LEFTY2: variants seen among roughly 807,000 people sequenced by gnomAD.
LEFTY2 encodes TGF-beta-4.
In LEFTY2, 10 loss-of-function variants were observed where a neutral mutation model predicts 26.4. The ratio of observed to expected loss-of-function variants is 0.38; its 90% CI spans 0.23 to 0.64. LEFTY2 has a LOEUF of 0.64. Among genes scored for constraint, LEFTY2 ranks in the 30% least tolerant of loss-of-function variants. The probability of loss-of-function intolerance (pLI) is 0.56; values close to 1 mark genes in which losing one functional copy is unlikely to be tolerated. For synonymous variants in LEFTY2, 204 were observed against 234.1 expected (o/e 0.87, Z 1.17); for missense variants, 407 against 502.1 (o/e 0.81, Z 1.81).
chr1:225,939,390 C>T lies in LEFTY2; in HGVS notation c.708G>A (p.Glu236=). The change falls in exon 3 of 4, where the codon GAG becomes GAA. Residue 236 remains glutamate, a synonymous_variant. Transcript: ENST00000366820. This position sits in a 1 kb window ranked among gnomAD's most constrained non-coding sequence, Gnocchi z 4.1. ...AGTCCCTGAGGTCCAGGGTGTGCAG[C>T]TCCAGCTGGGGCTCCCCAAGCCCGG... is the stretch of plus-strand genomic sequence containing the variant. ...APAGLGEPQL[E]LHTLDLRDYG... The T allele has an allele frequency of 6.2e-7, 1 of 1,613,620 alleles. No individual in the cohort carries two copies. Among genetic ancestry groups the T allele is most frequent in the South Asian group, 1.1e-5 (1 of 91,062 alleles).
chr1:225,937,791 A>G lies in LEFTY2; in HGVS notation c.751T>C (p.Cys251Arg). ...DLRDYGAQGDCDPEAPMTEGT... is the reference protein window; with the variant it reads ...DLRDYGAQGDRDPEAPMTEGT... The stretch of plus-strand genomic sequence containing the variant: ...TCGGTCATTGGTGCTTCAGGGTCAC[A>G]GTCGCCCTGAGCTCTGTGTGGGCAA... Residue 251 changes from cysteine to arginine, a missense_variant, in exon 4 of 4, where the codon TGT (cysteine) becomes CGT (arginine). Physicochemically the swap from Cys to Arg is radical, Grantham distance 180 (BLOSUM62 -3). Transcript: ENST00000366820. 1.2e-6 allele frequency: 2 copies of G among 1,611,606 alleles called. No individual in the cohort carries two copies. The highest frequency in any genetic ancestry group is 1.7e-6 in the Non-Finnish European group (2 of 1,178,944).
chr1:225,938,462 T>C (rs1053121535), intron 3 of LEFTY2, among the ~76,000 whole-genome samples: 1 of 152,234 alleles, frequency 6.6e-6, no homozygotes, highest in African/African-American at 2.4e-5. Flanking sequence ...CATACAATTC[T>C]CCTGCCACAG....
At chr1:225,940,183 A>C in intron 1 of LEFTY2, 181 bp from the exon 2 acceptor site, 1 of 1,039,600 alleles carries the variant, frequency 9.6e-7, no homozygotes, top group Non-Finnish European at 1.4e-6. Flanking sequence ...TCCATCCAGC[A>C]GGCAGGGGGG....
chr1:225,937,135 A>G lies in LEFTY2; in HGVS notation c.*306T>C. 1 of 518,078 alleles carries G rather than the reference A, an allele frequency of 1.9e-6. No individual in the cohort carries two copies. Among genetic ancestry groups the G allele is most frequent in the Non-Finnish European group, 3.5e-6 (1 of 286,118 alleles). 32.1% of individuals were successfully genotyped at this position (518,078 alleles called of 1,614,324 possible). On this transcript the variant is annotated 3_prime_UTR_variant, in exon 4 of 4. Transcript: ENST00000366820. ...CATAGGGTATTATTGTTCCAGACTCAGTGAAGAATTTGCCAGAGAACAGAA... is the reference window on the plus strand; with the variant it reads ...CATAGGGTATTATTGTTCCAGACTCGGTGAAGAATTTGCCAGAGAACAGAA...
Position 225,939,264 on chromosome 1 carries a change from C to A in LEFTY2, c.737+97G>T. The A allele has an allele frequency of 6.4e-7, 1 of 1,572,480 alleles. No individual in the cohort carries two copies. Among genetic ancestry groups the A allele is most frequent in the African/African-American group, 1.4e-5 (1 of 73,822 alleles). On this transcript the variant is annotated intron_variant, in intron 3 of 3. Transcript: ENST00000366820. This position sits in a 1 kb window ranked among gnomAD's most constrained non-coding sequence, Gnocchi z 4.1. The stretch of plus-strand genomic sequence containing the variant: ...TGCACCGCGCTCTCCCTACCCCTAG[C>A]CCACCGCCACCATCCGGTCCCCCAG...
rs1459946569 is a variant in LEFTY2 at position 225,939,323 on chromosome 1, T to TG, written c.737+37dup. On this transcript the variant is annotated intron_variant, in intron 3 of 3. Coordinates refer to ENST00000366820, the MANE Select transcript of LEFTY2 (RefSeq NM_003240.5). This position sits in a 1 kb window ranked among gnomAD's most constrained non-coding sequence, Gnocchi z 4.1. ...GGGGACGGGGGTCTGGACCACTCAGTGGCTGCTTGCCTCCCTTCTGCCCAG... is the reference window on the plus strand; with the variant it reads ...GGGGACGGGGGTCTGGACCACTCAGTGGGCTGCTTGCCTCCCTTCTGCCCAG... 2 of 1,612,566 alleles carry TG rather than the reference T, an allele frequency of 1.2e-6. No individual in the cohort carries two copies. The highest frequency in any genetic ancestry group is 1.7e-5 in the Admixed American group (1 of 59,888).
At position 225,939,578 on chromosome 1, in the gene LEFTY2, C is replaced by T. The variant is rs1267401747; in HGVS notation, c.520G>A (p.Gly174Ser). The change falls in exon 3 of 4, where the codon GGC becomes AGC. Residue 174 changes from glycine to serine, a missense_variant. Gly to Ser is a moderately conservative substitution (Grantham distance 56). Transcript: ENST00000366820. The surrounding 1 kb of genome is among the most constrained non-coding windows in gnomAD (Gnocchi z 4.1). ...DSRLVSVHESGWKAFDVTEAV... is the reference protein window; with the variant it reads ...DSRLVSVHESSWKAFDVTEAV... ...TCGGTCACGTCGAAGGCCTTCCAGC[C>T]GCTCTCGTGGACGGACACCAGCCTG... 3.7e-6 allele frequency: 6 copies of T among 1,612,494 alleles called. No individual in the cohort carries two copies. The Admixed American group carries it at 8.3e-5, about 22-fold the overall frequency.
At position 225,939,478 on chromosome 1, in the gene LEFTY2, T is replaced by C. The variant is rs1363824464; in HGVS notation, c.620A>G (p.His207Arg). 1 of 1,611,040 alleles carries C rather than the reference T, an allele frequency of 6.2e-7. No individual in the cohort carries two copies. The highest frequency in any genetic ancestry group is 1.1e-5 in the South Asian group (1 of 90,960). ...GGCGCCGGACGCCAGCGGGCCCAGA[T>C]GCTCCCTCTGCACCGACACCTGTAG... ...LLLQVSVQREHLGPLASGAHK... is the reference protein window; with the variant it reads ...LLLQVSVQRERLGPLASGAHK... Residue 207 changes from histidine (H) to arginine (R), a missense_variant, in exon 3 of 4, where the codon CAT becomes CGT. By Grantham distance (29) the His-to-Arg change is conservative. Coordinates refer to ENST00000366820, the MANE Select transcript of LEFTY2 (RefSeq NM_003240.5). The surrounding 1 kb of genome is among the most constrained non-coding windows in gnomAD (Gnocchi z 4.1).
chr1:225,937,737 A>C lies in LEFTY2; in HGVS notation c.805T>G (p.Tyr269Asp). ...EGTRCCRQEM[Y>D]IDLQGMKWAK... ...CACTTCATCCCCTGCAGGTCAATGT[A>C]CATCTCCTGGCGGCAGCAGCGGGTG... Residue 269 changes from tyrosine to aspartate, a missense_variant, in exon 4 of 4, where the codon TAC becomes GAC. By Grantham distance (160) the Tyr-to-Asp change is radical. Coordinates refer to ENST00000366820, the MANE Select transcript of LEFTY2 (RefSeq NM_003240.5). 1 of 1,612,212 alleles carries C rather than the reference A, an allele frequency of 6.2e-7. No homozygotes were observed. The highest frequency in any genetic ancestry group is 1.1e-5 in the South Asian group (1 of 90,990).
In LEFTY2 at chr1:225,939,994, C is replaced by G. The variant is rs758041150; in HGVS notation, c.259G>C (p.Gly87Arg). 5.6e-6 allele frequency: 9 copies of G among 1,595,808 alleles called. No homozygotes were observed. The highest frequency in any genetic ancestry group is 7.6e-6 in the Non-Finnish European group (9 of 1,179,602). Residue 87 changes from glycine to arginine, a missense_variant, in exon 2 of 4, where the codon GGC becomes CGC. Physicochemically the swap from Gly to Arg is moderately radical, Grantham distance 125. Coordinates refer to ENST00000366820, the MANE Select transcript of LEFTY2 (RefSeq NM_003240.5). This position sits in a 1 kb window ranked among gnomAD's most constrained non-coding sequence, Gnocchi z 4.1. ...CTGGCCTCCGACGCCAGGAACCTGC[C>G]GGCCACCTCTGGGGACAAGAGCAGG... ...RFSQSFREVA[G>R]RFLASEASTH...
rs1672250330 is a variant in LEFTY2 at position 225,939,564 on chromosome 1, G to A, written c.534C>T (p.Phe178=). The A allele has an allele frequency of 2.5e-6, 4 of 1,612,300 alleles. No individual in the cohort carries two copies. The highest frequency in any genetic ancestry group is 3.4e-6 in the Non-Finnish European group (4 of 1,179,820). Residue 178 remains phenylalanine, a synonymous_variant, in exon 3 of 4, where the codon TTC becomes TTT. Coordinates refer to ENST00000366820, the MANE Select transcript of LEFTY2 (RefSeq NM_003240.5). This position sits in a 1 kb window ranked among gnomAD's most constrained non-coding sequence, Gnocchi z 4.1. ...AGAAGTTCACGGCCTCGGTCACGTCGAAGGCCTTCCAGCCGCTCTCGTGGA... is the reference window on the plus strand; with the variant it reads ...AGAAGTTCACGGCCTCGGTCACGTCAAAGGCCTTCCAGCCGCTCTCGTGGA... The part of the protein sequence containing the change: ...VSVHESGWKA[F]DVTEAVNFWQ...
At position 225,939,747 on chromosome 1, in the gene LEFTY2, G is replaced by C. The variant is rs1186524070; in HGVS notation, c.497+9C>G. ...CTACTCCTGCCCTGCGCGCCCGCGC[G>C]ACCCCCACCTGGAGTCGATGAGGGA... is the stretch of plus-strand genomic sequence containing the variant. On this transcript the variant is annotated intron_variant, in intron 2 of 3. Transcript: ENST00000366820. The surrounding 1 kb of genome is among the most constrained non-coding windows in gnomAD (Gnocchi z 4.1). 1 of 1,597,962 alleles carries C rather than the reference G, an allele frequency of 6.3e-7. No homozygotes were observed. The highest frequency in any genetic ancestry group is 2.2e-5 in the East Asian group (1 of 44,480).
rs1030090515 is a variant in LEFTY2, at chr1:225,940,235, C to G, written c.251-233G>C. On this transcript the variant is annotated intron_variant, in intron 1 of 3. Coordinates refer to ENST00000366820, the MANE Select transcript of LEFTY2 (RefSeq NM_003240.5). ...TAGCAAGTTTGCCTCAGCTGAGATG[C>G]TGGGAGCAGAATCCTCACCCAGGTG... The G allele has an allele frequency of 3.7e-5, 25 of 681,766 alleles. No homozygotes were observed. The African/African-American group carries it at 4.3e-4, about 12-fold the overall frequency. 42.2% of individuals were successfully genotyped at this position (681,766 alleles called of 1,614,324 possible).
In LEFTY2 at chr1:225,937,634, G is replaced by A. The variant is rs776907343; in HGVS notation, c.908C>T (p.Ala303Val). The A allele has an allele frequency of 3.1e-6, 5 of 1,614,042 alleles. No homozygotes were observed. In the East Asian group the frequency reaches 8.9e-5, roughly 29 times the overall value. ...CVGTCQQPPEALAFNWPFLGP... is the reference protein window; with the variant it reads ...CVGTCQQPPEVLAFNWPFLGP... Reference sequence around the variant, plus strand: ...CAGAAATGGCCAATTGAAGGCCAGGGCCTCCGGGGGCTGCTGGCAGGTGCC... The same window carrying A: ...CAGAAATGGCCAATTGAAGGCCAGGACCTCCGGGGGCTGCTGGCAGGTGCC... The change falls in exon 4 of 4, where the codon GCC (alanine) becomes GTC (valine). Residue 303 changes from alanine to valine, a missense_variant. Transcript: ENST00000366820.
At position 225,937,294 on chromosome 1, in the gene LEFTY2, G is replaced by C; in HGVS notation, c.*147C>G. ...CTTAGGATGGGTGATGGACGGGAAA[G>C]ACAGGAAATGGAAGGACACAGGGCG... On this transcript the variant is annotated 3_prime_UTR_variant, in exon 4 of 4. Transcript: ENST00000366820. 7.6e-7 allele frequency: 1 copy of C among 1,312,656 alleles called. No individual in the cohort carries two copies. Among genetic ancestry groups the C allele is most frequent in the South Asian group, 1.2e-5 (1 of 82,274 alleles). 81.3% of individuals were successfully genotyped at this position (1,312,656 alleles called of 1,614,324 possible). A position where few individuals can be genotyped will look rare whatever the true frequency, so the allele number is the denominator to read the frequency against.
chr1:225,939,527 T>A lies in LEFTY2; in HGVS notation c.571A>T (p.Ser191Cys), dbSNP rs761074083. 6 of 1,611,092 alleles carry A rather than the reference T, an allele frequency of 3.7e-6. No homozygotes were observed. Among genetic ancestry groups the A allele is most frequent in the Middle Eastern group, 1.8e-4 (1 of 5,624 alleles). Residue 191 changes from serine to cysteine, a missense_variant, in exon 3 of 4, where the codon AGC becomes TGC. Ser to Cys is a moderately radical substitution (Grantham distance 112, BLOSUM62 -1). Transcript: ENST00000366820. This position sits in a 1 kb window ranked among gnomAD's most constrained non-coding sequence, Gnocchi z 4.1. ...TEAVNFWQQL[S>C]RPRQPLLLQV... ...AGCAGCAGCGGCTGCCGGGGCCGGCTCAGCTGCTGCCAGAAGTTCACGGCC... is the reference window on the plus strand; with the variant it reads ...AGCAGCAGCGGCTGCCGGGGCCGGCACAGCTGCTGCCAGAAGTTCACGGCC...
At position 225,939,857 on chromosome 1, in the gene LEFTY2, C is replaced by T; in HGVS notation, c.396G>A (p.Arg132=). Residue 132 remains arginine (R), a synonymous_variant, in exon 2 of 4, where the codon AGG becomes AGA. Transcript: ENST00000366820. The surrounding 1 kb of genome is among the most constrained non-coding windows in gnomAD (Gnocchi z 4.1). The part of the protein sequence containing the change: ...QEPVPKAALH[R]HGRLSPRSAQ... ...CGCTGCGCGGGGACAGCCGCCCGTG[C>T]CTGTGCAGCGCGGCCTTGGGGACCG... 6.5e-7 allele frequency: 1 copy of T among 1,545,522 alleles called. No homozygotes were observed. The highest frequency in any genetic ancestry group is 8.7e-7 in the Non-Finnish European group (1 of 1,151,984).
In LEFTY2 at chr1:225,940,982, G is replaced by T. The variant is rs760148371; in HGVS notation, c.159C>A (p.Ile53=). 1.9e-6 allele frequency: 3 copies of T among 1,613,736 alleles called. No individual in the cohort carries two copies. The highest frequency in any genetic ancestry group is 2.5e-6 in the Non-Finnish European group (3 of 1,179,890). ...CATACTGGGCCCTCACGTGGGCGGG[G>T]ATGACCAGCTTCTCCATGTCGGCCC... is the stretch of plus-strand genomic sequence containing the variant. ...LDRADMEKLV[I]PAHVRAQYVV... Residue 53 remains isoleucine (I), a synonymous_variant, in exon 1 of 4, where the codon ATC becomes ATA. Coordinates refer to ENST00000366820, the MANE Select transcript of LEFTY2 (RefSeq NM_003240.5).
chr1:225,940,605 TC>T (rs2102684007), intron 1 of LEFTY2, among the ~76,000 whole-genome samples: 1 of 152,222 alleles, frequency 6.6e-6, no homozygotes, highest in Non-Finnish European at 1.5e-5. Context: ...ACTCACCTGC[TC>T]CCCCAGCTCT....
Sources: allele counts gnomAD v4.1 joint callset (sites outside exome capture counted in the v4.1 genomes callset), GRCh38; gene constraint gnomAD v4.1.1; non-coding constraint Gnocchi (gnomAD v3.1); transcripts MANE v1.5; gene names NCBI Gene and HGNC (gene_info 2026-07-23, HGNC 2026-07-21).